The following AKAP9 variants were observed in gnomAD, a reference collection of about 807,000 sequenced individuals.
AKAP9 encodes the protein A-kinase anchoring protein 9.
AKAP9 carries 311 observed loss-of-function variants against 488.5 expected under a neutral mutation model. The ratio of observed to expected loss-of-function variants is 0.64; its 90% CI spans 0.58 to 0.70. The LOEUF is 0.70. Among genes scored for constraint, AKAP9 ranks in the 30% least tolerant of loss-of-function variants. The pLI is 0.00. For missense variants in AKAP9, 4,215 were observed against 4,374.5 expected (o/e 0.96, Z 1.03); for synonymous variants, 1,462 against 1,483.5 (o/e 0.99, Z 0.33).
Position 92,001,291 on chromosome 7 carries a change from A to G in AKAP9, c.1374A>G (p.Ala458=). The change falls in exon 8 of 50, where the codon GCA becomes GCG. Residue 458 remains alanine, a synonymous_variant. Transcript: ENST00000356239. ...AAGAATTAATAAGACAACACATGGCACAGATGGAGGAAATGAAAACACGGC... is the reference window on the plus strand; with the variant it reads ...AAGAATTAATAAGACAACACATGGCGCAGATGGAGGAAATGAAAACACGGC... ...MKQELIRQHM[A]QMEEMKTRHK... 6.2e-7 allele frequency: 1 copy of G among 1,614,054 alleles called. No individual in the cohort carries two copies. Among genetic ancestry groups the G allele is most frequent in the Non-Finnish European group, 8.5e-7 (1 of 1,179,928 alleles).
intron 12 of AKAP9, among the ~76,000 whole-genome samples, chr7:92,020,214 CT>C (rs1444860219): frequency 6.6e-6 from 1 of 152,132 alleles, no homozygotes; most frequent in Admixed American, 6.5e-5. Flanking sequence ...ACTGTGTAAC[CT>C]TTTGGCTTCA....
intron 1 of AKAP9, among the ~76,000 whole-genome samples, chr7:91,969,975 TTCCTC>T (rs1327000103): frequency 6.6e-6 from 1 of 152,184 alleles, no homozygotes; most frequent in Non-Finnish European, 1.5e-5. Flanking sequence ...TGTTTTGTAA[TTCCTC>T]TCTTCTTCCT....
At chr7:91,979,809 T>A (rs1265026641) in intron 2 of AKAP9, among the ~76,000 whole-genome samples, 1 of 152,216 alleles carries the variant, frequency 6.6e-6, no homozygotes, top group African/African-American at 2.4e-5. Flanking sequence ...ATGTCCTGGA[T>A]GGGACAGAGT....
chr7:92,090,186 C>T (rs964103815), intron 38 of AKAP9: 1 of 152,042 alleles, frequency 6.6e-6, no homozygotes, highest in Admixed American at 6.6e-5. Context: ...TTGTTTCTTT[C>T]ACCTCTCTGT....
chr7:92,033,437 CTTTTCTT>C (rs1804618991), intron 16 of AKAP9, among the ~76,000 whole-genome samples: 1 of 132,338 alleles, frequency 7.6e-6, no homozygotes, highest in Non-Finnish European at 1.6e-5. Context: ...CTTTTCTTTT[CTTTTCTT>C]TTTTTTTTTT....
chr7:92,005,899 C>A (rs992416427), intron 8 of AKAP9, among the ~76,000 whole-genome samples: 4 of 152,032 alleles, frequency 2.6e-5, no homozygotes, highest in African/African-American at 9.7e-5. Context: ...AAACTCCTGA[C>A]CTTAGGTGAT....
chr7:91,953,049 G>C (rs1411855077), intron 1 of AKAP9, among the ~76,000 whole-genome samples: 1 of 152,198 alleles, frequency 6.6e-6, no homozygotes, highest in Non-Finnish European at 1.5e-5. Flanking sequence ...AGATGTATTT[G>C]ACAGCTGTGT....
intron 1 of AKAP9, among the ~76,000 whole-genome samples, chr7:91,960,998 TGAGA>T (rs1793662363): frequency 2.0e-5 from 3 of 152,330 alleles, no homozygotes; most frequent in African/African-American, 7.2e-5. Context: ...CTTGATGAAA[TGAGA>T]GACTGTTATT....
In AKAP9 at chr7:92,039,051, G is replaced by A. The variant is rs34548928; in HGVS notation, c.4692+279G>A. On this transcript the variant is annotated intron_variant, in intron 17 of 49. Transcript: ENST00000356239. ...CTCCTGAGTAACTGGGACTCCATGC[G>A]CGTGCCACCACATCCAGCTAATTTT... Among the ~76,000 whole-genome samples the A allele has an allele frequency of 0.4, 60,911 of 151,776 alleles. 12,513 individuals carry two copies. The highest frequency in any genetic ancestry group is 0.47 in the African/African-American group (19,246 of 41,330).
chr7:91,942,228 C>G (rs908103245), intron 1 of AKAP9, among the ~76,000 whole-genome samples: 2 of 151,866 alleles, frequency 1.3e-5, no homozygotes, highest in Non-Finnish European at 2.9e-5. Flanking sequence ...CAAAGGAAAC[C>G]AGGTTAGTGA....
At position 91,992,929 on chromosome 7, in the gene AKAP9, A is replaced by G. The variant is rs1246261212; in HGVS notation, c.450A>G (p.Ala150=). 6.2e-7 allele frequency: 1 copy of G among 1,614,094 alleles called. No individual in the cohort carries two copies. The highest frequency in any genetic ancestry group is 8.5e-7 in the Non-Finnish European group (1 of 1,179,978). ...ATGATTCTTATTCTGAACAAGGAGCACAAGACAGTCCGACTCATCTAGAGA... is the reference window on the plus strand; with the variant it reads ...ATGATTCTTATTCTGAACAAGGAGCGCAAGACAGTCCGACTCATCTAGAGA... ...GVDDSYSEQG[A]QDSPTHLEMM... Residue 150 remains alanine (A), a synonymous_variant, in exon 5 of 50, where the codon GCA becomes GCG. Transcript: ENST00000356239.
intron 8 of AKAP9, among the ~76,000 whole-genome samples, chr7:92,010,253 G>A (rs1800504716): frequency 6.6e-6 from 1 of 152,184 alleles, no homozygotes. Context: ...TAAAAGCTTA[G>A]GGCTTAGCTA....
rs1424406385 is a variant in AKAP9 at position 92,056,241 on chromosome 7, A to G, written c.5601+3283A>G. On this transcript the variant is annotated intron_variant, in intron 22 of 49. Coordinates refer to ENST00000356239, the MANE Select transcript of AKAP9 (RefSeq NM_005751.5). ...TGACCGAAATGTTAACTGTTTATAAAGGGTTGTTTCTTACTTACAGATTTT... is the reference window on the plus strand; with the variant it reads ...TGACCGAAATGTTAACTGTTTATAAGGGGTTGTTTCTTACTTACAGATTTT... 6.6e-5 allele frequency among the ~76,000 whole-genome samples: 10 copies of G among 151,964 alleles called. No homozygotes were observed. In the South Asian group the frequency reaches 2.1e-3, roughly 32 times the overall value.
Position 92,086,251 on chromosome 7 carries a change from T to A in AKAP9, c.9048T>A (p.His3016Gln). Residue 3016 changes from histidine (H) to glutamine (Q), a missense_variant, in exon 37 of 50, where the codon CAT becomes CAA. By Grantham distance (24) the His-to-Gln change is conservative. Transcript: ENST00000356239. The part of the protein sequence containing the change: ...EAEVYDSSQS[H>Q]ESFSDWRGEL... Reference sequence around the variant, plus strand: ...AGGTTTATGATAGTTCTCAATCTCATGAGAGCTTCTCAGACTGGCGAGGTG... The same window carrying A: ...AGGTTTATGATAGTTCTCAATCTCAAGAGAGCTTCTCAGACTGGCGAGGTG... 6.2e-7 allele frequency: 1 copy of A among 1,614,168 alleles called. No individual in the cohort carries two copies. Among genetic ancestry groups the A allele is most frequent in the South Asian group, 1.1e-5 (1 of 91,076 alleles).
At chr7:92,040,253 A>G (rs1303423705) in intron 17 of AKAP9, among the ~76,000 whole-genome samples, 1 of 152,204 alleles carries the variant, frequency 6.6e-6, no homozygotes, top group African/African-American at 2.4e-5. Flanking sequence ...GTGTAAATTA[A>G]ATGGGTAGTT....
At chr7:92,092,170 A>G (rs1212750201) in intron 38 of AKAP9, 1 of 152,222 alleles carries the variant, frequency 6.6e-6, no homozygotes, top group Non-Finnish European at 1.5e-5. Context: ...TACATATTTT[A>G]TAACATACTT....
Position 92,085,623 on chromosome 7 carries a change from C to T in AKAP9, c.8961C>T (p.Tyr2987=), listed in dbSNP as rs1814409140. Residue 2987 remains tyrosine (Y), a synonymous_variant, in exon 36 of 50, where the codon TAC becomes TAT. Transcript: ENST00000356239. ...CTTGGCTAGAAGAGAGAAAAGCTTA[C>T]ATCAATACAATCTCATCTCTAAAGG... ...SEPWLEERKA[Y]INTISSLKDL... The T allele has an allele frequency of 3.7e-6, 6 of 1,613,730 alleles. No individual in the cohort carries two copies. Among genetic ancestry groups the T allele is most frequent in the Non-Finnish European group, 5.1e-6 (6 of 1,179,896 alleles).
rs756583558 is a variant in AKAP9 at position 92,093,091 on chromosome 7, G to A, written c.9359-6G>A. The A allele has an allele frequency of 3.1e-6, 5 of 1,607,886 alleles. No homozygotes were observed. In the African/African-American group the frequency reaches 5.3e-5, roughly 17 times the overall value. On this transcript the variant is annotated splice_region_variant and splice_polypyrimidine_tract_variant and intron_variant, in intron 38 of 49. Transcript: ENST00000356239. ...ATGTTTCAAATATTAATCATGTTCT[G>A]TGTAGAACTCTTGGAATATAATATA...
chr7:92,106,398 T>G (rs1818511437), intron 47 of AKAP9, among the ~76,000 whole-genome samples: 1 of 141,386 alleles, frequency 7.1e-6, no homozygotes, highest in African/African-American at 2.7e-5. Flanking sequence ...AAAACACAAG[T>G]CATTTGCCCC....
Sources: gnomAD v4.1 joint callset for allele counts (sites outside exome capture counted in the v4.1 genomes callset) on GRCh38, gnomAD v4.1.1 for gene constraint, MANE v1.5 for transcripts, NCBI Gene and HGNC (gene_info 2026-07-23, HGNC 2026-07-21) for gene names.